The following NWD1 variants were observed in gnomAD, a reference collection of about 807,000 sequenced individuals.
NWD1 encodes the protein NACHT domain- and WD repeat-containing protein 1.
NWD1 carries 129 observed loss-of-function variants against 135.1 expected under a neutral mutation model. The ratio of observed to expected loss-of-function variants is 0.96; its 90% CI spans 0.83 to 1.11. NWD1 has a LOEUF of 1.11. NWD1 is among the 50% of genes least tolerant of loss of function. The pLI, the probability that NWD1 is intolerant of heterozygous loss-of-function variation, is 0.00. For synonymous variants in NWD1, 773 were observed against 786.0 expected (o/e 0.98, Z 0.28); for missense variants, 1,740 against 1,851.3 (o/e 0.94, Z 1.10).
chr19:16,792,225 G>A (rs1271226501), intron 14 of NWD1, among the ~76,000 whole-genome samples: 2 of 152,114 alleles, frequency 1.3e-5, no homozygotes, highest in Non-Finnish European at 2.9e-5. Context: ...GTGGTTGGTG[G>A]ACGGCTGCTT....
intron 18 of NWD1, among the ~76,000 whole-genome samples, chr19:16,809,186 C>T (rs1970846126): frequency 4.0e-5 from 6 of 151,208 alleles, no homozygotes; most frequent in Admixed American, 3.3e-4. Flanking sequence ...CGGGTTCAAG[C>T]AACTCTCCCG....
intron 15 of NWD1, among the ~76,000 whole-genome samples, chr19:16,796,049 A>G (rs1970406973): frequency 6.6e-6 from 1 of 152,182 alleles, no homozygotes; most frequent in African/African-American, 2.4e-5. Flanking sequence ...AGGTTGGGTC[A>G]TCTCTCTCAG....
chr19:16,762,032 A>G lies in NWD1; in HGVS notation c.2027A>G (p.Lys676Arg), dbSNP rs1390168894. The change falls in exon 8 of 19, where the codon AAG (lysine) becomes AGG (arginine). Residue 676 changes from lysine to arginine, a missense_variant. Coordinates refer to ENST00000524140, the MANE Select transcript of NWD1 (RefSeq NM_001007525.5). ...TACCTGTCAGGATCCGAGAGAGCCAAGAGGCATGGCGTCCTGGCCGACTTC... is the reference window on the plus strand; with the variant it reads ...TACCTGTCAGGATCCGAGAGAGCCAGGAGGCATGGCGTCCTGGCCGACTTC... ...ERYLSGSERA[K>R]RHGVLADFFS... 1 of 1,613,960 alleles carries G rather than the reference A, an allele frequency of 6.2e-7. No individual in the cohort carries two copies. Among genetic ancestry groups the G allele is most frequent in the South Asian group, 1.1e-5 (1 of 91,076 alleles).
At chr19:16,751,740 G>T (rs1186316070) in intron 6 of NWD1, among the ~76,000 whole-genome samples, 1 of 150,860 alleles carries the variant, frequency 6.6e-6, no homozygotes, top group East Asian at 2.0e-4. Context: ...GGCAGAGGTT[G>T]CAGTGAGCTG....
chr19:16,744,615 A>G lies in NWD1; in HGVS notation c.393A>G (p.Glu131=), dbSNP rs1397481915. The G allele has an allele frequency of 1.3e-6, 2 of 1,535,268 alleles. No homozygotes were observed. Among genetic ancestry groups the G allele is most frequent in the Admixed American group, 2.0e-5 (1 of 50,850 alleles). ...CACCAGGTACTGGGGAGGCCTGTGA[A>G]CCAGAGGAGGCCACCTTAACTTCTG... ...LQAPGTGEAC[E]PEEATLTSVL... is the part of the protein sequence containing the mutation. The change falls in exon 5 of 19, where the codon GAA becomes GAG. Residue 131 remains glutamate, a synonymous_variant. Coordinates refer to ENST00000524140, the MANE Select transcript of NWD1 (RefSeq NM_001007525.5).
intron 10 of NWD1, among the ~76,000 whole-genome samples, chr19:16,772,678 C>G (rs1969457183): frequency 6.6e-6 from 1 of 151,814 alleles, no homozygotes; most frequent in Admixed American, 6.6e-5. Context: ...ATAAAACAAA[C>G]AAATAAATTA....
Position 16,749,215 on chromosome 19 carries a change from G to T in NWD1, c.573G>T (p.Glu191Asp), listed in dbSNP as rs752386089. ...AGGGAGCCACCGTCTTCCTTAGAGA[G>T]ATCCAAGACCTCCACAAACACATCC... ...REQGATVFLR[E>D]IQDLHKHILE... Residue 191 changes from glutamate to aspartate, a missense_variant, in exon 6 of 19, where the codon GAG becomes GAT. Coordinates refer to ENST00000524140, the MANE Select transcript of NWD1 (RefSeq NM_001007525.5). 7 of 1,614,100 alleles carry T rather than the reference G, an allele frequency of 4.3e-6. No individual in the cohort carries two copies. In the Admixed American group the frequency reaches 1.2e-4, roughly 27 times the overall value.
intron 14 of NWD1, among the ~76,000 whole-genome samples, chr19:16,792,053 C>T (rs1970266299): frequency 6.6e-6 from 1 of 152,128 alleles, no homozygotes; most frequent in Non-Finnish European, 1.5e-5. Flanking sequence ...TGCAGTTCAG[C>T]ACAGTTCAGG....
At chr19:16,814,686 G>A (rs1411689759) in intron 18 of NWD1, among the ~76,000 whole-genome samples, 1 of 152,212 alleles carries the variant, frequency 6.6e-6, no homozygotes, top group African/African-American at 2.4e-5. Context: ...GTTGAGGACT[G>A]TGGCCTTAAA....
chr19:16,797,975 C>T, intron 16 of NWD1, 89 bp downstream of exon 16: 1 of 1,328,060 alleles, frequency 7.5e-7, no homozygotes, highest in Non-Finnish European at 1.0e-6. Context: ...AAAATACAGA[C>T]ACCCACAAAA....
At chr19:16,793,260 G>T (rs1235867561) in intron 14 of NWD1, among the ~76,000 whole-genome samples, 1 of 151,952 alleles carries the variant, frequency 6.6e-6, no homozygotes, top group South Asian at 2.1e-4. Flanking sequence ...TTGAGACAGG[G>T]TCTTACTTTA....
At position 16,799,936 on chromosome 19, in the gene NWD1, C is replaced by T. The variant is rs112320677; in HGVS notation, c.3510C>T (p.Val1170=). 0.012 allele frequency: 20,086 copies of T among 1,613,850 alleles called. 144 individuals carry two copies. Among genetic ancestry groups the T allele is most frequent in the Non-Finnish European group, 0.015 (17,958 of 1,179,866 alleles). ...QGTLLDILEG[V]GAPVSLLARG... is the part of the protein sequence containing the mutation. ...CCCTTCTGGACATCCTGGAAGGCGT[C>T]GGGGCCCCCGTGAGCCTGCTGGCCC... Residue 1170 remains valine (V), a synonymous_variant, in exon 17 of 19, where the codon GTC becomes GTT. Transcript: ENST00000524140.
At chr19:16,722,623 G>T (rs1967181901) in intron 1 of NWD1, among the ~76,000 whole-genome samples, 1 of 151,868 alleles carries the variant, frequency 6.6e-6, no homozygotes, top group East Asian at 1.9e-4. Context: ...AACTCAGCAG[G>T]CCTGAGTTGT....
chr19:16,767,841 C>T (rs1289456540), intron 10 of NWD1, among the ~76,000 whole-genome samples: 2 of 152,064 alleles, frequency 1.3e-5, no homozygotes, highest in African/African-American at 4.8e-5. Flanking sequence ...ATGCTATTTT[C>T]TGTCTCTATA....
At chr19:16,814,243 C>T (rs760273866) in intron 18 of NWD1, among the ~76,000 whole-genome samples, 9 of 152,162 alleles carry the variant, frequency 5.9e-5, no homozygotes, top group Non-Finnish European at 1.2e-4. Flanking sequence ...ATTTACAGAG[C>T]AAAAACTGAG....
At chr19:16,811,019 C>A (rs1221937189) in intron 18 of NWD1, among the ~76,000 whole-genome samples, 1 of 152,174 alleles carries the variant, frequency 6.6e-6, no homozygotes, top group Non-Finnish European at 1.5e-5. Flanking sequence ...GCATGTGCCA[C>A]TGCACCTGGC....
At chr19:16,805,879 T>C (rs532747087) in intron 17 of NWD1, among the ~76,000 whole-genome samples, 1 of 152,122 alleles carries the variant, frequency 6.6e-6, no homozygotes, top group Non-Finnish European at 1.5e-5. Flanking sequence ...TTTTCTTCTT[T>C]TTTTTTTGAG....
chr19:16,787,597 C>A (rs934857863), intron 12 of NWD1, among the ~76,000 whole-genome samples: 1 of 152,056 alleles, frequency 6.6e-6, no homozygotes, highest in African/African-American at 2.4e-5. Context: ...CAGTGGCTCA[C>A]GCCTGTAATC....
intron 6 of NWD1, among the ~76,000 whole-genome samples, chr19:16,755,550 G>A (rs1355237884): frequency 6.6e-6 from 1 of 152,048 alleles, no homozygotes; most frequent in East Asian, 1.9e-4. Flanking sequence ...CACCATGCCT[G>A]GCTAATTTTT....
Sources: gnomAD v4.1 joint callset for allele counts (sites outside exome capture counted in the v4.1 genomes callset) on GRCh38, gnomAD v4.1.1 for gene constraint, MANE v1.5 for transcripts, NCBI Gene and HGNC (gene_info 2026-07-23, HGNC 2026-07-21) for gene names.